The following TSPAN18 variants were observed in gnomAD, a reference collection of about 807,000 sequenced individuals.
TSPAN18 encodes the protein tetraspanin-18.
A neutral mutation model predicts 27.3 loss-of-function variants in TSPAN18; 14 were observed. The ratio of observed to expected loss-of-function variants is 0.51; its 90% CI spans 0.34 to 0.80. TSPAN18 has a LOEUF of 0.80. Among genes scored for constraint, TSPAN18 ranks in the 30% least tolerant of loss-of-function variants. TSPAN18 has a pLI of 0.01. For missense variants in TSPAN18, 268 were observed against 323.9 expected, an observed-to-expected ratio of 0.83 and a Z score of 1.32; for synonymous variants, 143 against 136.5, an observed-to-expected ratio of 1.05 and a Z score of -0.33.
chr11:44,844,431 G>A (rs549219158), intron 2 of TSPAN18, among the ~76,000 whole-genome samples: 1 of 152,236 alleles, frequency 6.6e-6, no homozygotes, highest in East Asian at 1.9e-4. Context: ...AAATAGAGTG[G>A]GCATGTCATA....
chr11:44,782,574 AACTGACTGCCAAGCTGTT>A (rs1223128199), intron 2 of TSPAN18, among the ~76,000 whole-genome samples: 5 of 151,882 alleles, frequency 3.3e-5, no homozygotes, highest in Non-Finnish European at 7.4e-5. Context: ...AAAGAAAAGA[AACTGACTGCCAAGCTGTT>A]TTCCAAAATG....
At chr11:44,919,146 G>A in intron 6 of TSPAN18, 68 bp from the exon 7 acceptor site, 1 of 1,267,186 alleles carries the variant, frequency 7.9e-7, no homozygotes, top group Non-Finnish European at 1.2e-6. Context: ...GGTGGATGGA[G>A]AGACGATGGA....
chr11:44,762,719 C>A (rs554853374), intron 1 of TSPAN18, among the ~76,000 whole-genome samples: 76 of 152,124 alleles, frequency 5.0e-4, no homozygotes, highest in African/African-American at 1.4e-3. Flanking sequence ...GCATGAGGTC[C>A]CCCTGCGCTG....
chr11:44,748,701 T>A (rs561458979), intron 1 of TSPAN18, among the ~76,000 whole-genome samples: 63 of 152,248 alleles, frequency 4.1e-4, no homozygotes, highest in African/African-American at 1.5e-3. Flanking sequence ...CTTTTATTCT[T>A]CTCATTTCCT....
chr11:44,742,471 G>A (rs1337779880), intron 1 of TSPAN18, among the ~76,000 whole-genome samples: 1 of 151,972 alleles, frequency 6.6e-6, no homozygotes, highest in East Asian at 1.9e-4. Flanking sequence ...TGAAGCTGAG[G>A]GTCATCCATC....
chr11:44,804,382 C>T (rs138176273), intron 2 of TSPAN18, among the ~76,000 whole-genome samples: 2 of 152,354 alleles, frequency 1.3e-5, no homozygotes, highest in Non-Finnish European at 2.9e-5. Flanking sequence ...TAAGCCACCG[C>T]GCCCAGCCAG....
intron 3 of TSPAN18, among the ~76,000 whole-genome samples, chr11:44,872,285 G>T (rs755890545): frequency 2.6e-5 from 4 of 152,126 alleles, no homozygotes; most frequent in Non-Finnish European, 4.4e-5. Flanking sequence ...CCATTCTTAT[G>T]ATCTGACTGA....
chr11:44,737,348 G>A (rs1014038435), intron 1 of TSPAN18, among the ~76,000 whole-genome samples: 7 of 152,194 alleles, frequency 4.6e-5, no homozygotes, highest in Admixed American at 3.3e-4. Context: ...GAAGCAGGTC[G>A]TGGTGGCTGA....
At chr11:44,776,103 G>A (rs778904972) in intron 2 of TSPAN18, among the ~76,000 whole-genome samples, 1 of 152,206 alleles carries the variant, frequency 6.6e-6, no homozygotes, top group South Asian at 2.1e-4. Flanking sequence ...AGTCTTCACC[G>A]AGTGGCCCAG....
At chr11:44,808,719 G>T (rs1271890383) in intron 2 of TSPAN18, among the ~76,000 whole-genome samples, 1 of 152,166 alleles carries the variant, frequency 6.6e-6, no homozygotes, top group East Asian at 1.9e-4. Flanking sequence ...ACGTTTCTTG[G>T]AAATTGATAT....
chr11:44,820,019 T>A (rs999227026), intron 2 of TSPAN18, among the ~76,000 whole-genome samples: 2 of 152,138 alleles, frequency 1.3e-5, no homozygotes, highest in African/African-American at 4.8e-5. Flanking sequence ...CAAGGAGGGT[T>A]GCTGTCAAGG....
chr11:44,876,411 C>T (rs559784216), intron 3 of TSPAN18, among the ~76,000 whole-genome samples: 2 of 152,320 alleles, frequency 1.3e-5, no homozygotes, highest in South Asian at 4.1e-4. Context: ...TGAGGAGATC[C>T]CTGTCCCTCT....
chr11:44,770,893 G>A (rs1855675212), intron 2 of TSPAN18, among the ~76,000 whole-genome samples: 1 of 152,140 alleles, frequency 6.6e-6, no homozygotes, highest in South Asian at 2.1e-4. Flanking sequence ...GGCCCAAGAT[G>A]GAAGAGCCTA....
At chr11:44,772,499 T>A (rs1409332706) in intron 2 of TSPAN18, among the ~76,000 whole-genome samples, 1 of 152,132 alleles carries the variant, frequency 6.6e-6, no homozygotes, top group African/African-American at 2.4e-5. Flanking sequence ...GAGAAAACAA[T>A]ACATGAAGAA....
At position 44,894,465 on chromosome 11, in the gene TSPAN18, T is replaced by G. The variant is rs111422250; in HGVS notation, c.-10-11942T>G. Among the ~76,000 whole-genome samples the G allele has an allele frequency of 3.3e-3, 501 of 152,180 alleles. 2 individuals carry two copies. Among genetic ancestry groups the G allele is most frequent in the African/African-American group, 0.011 (468 of 41,530 alleles). On this transcript the variant is annotated intron_variant, in intron 3 of 9. Coordinates refer to ENST00000520358, the MANE Select transcript of TSPAN18 (RefSeq NM_130783.5). ...TTTCCTTCTCTCTAGAAAGCATGCC[T>G]GGGGGCGGGGGGGAGTGAAAGTAAA...
chr11:44,903,781 A>G, intron 3 of TSPAN18: 1 of 449,564 alleles, frequency 2.2e-6, no homozygotes, highest in South Asian at 1.6e-5. Flanking sequence ...CACACACACC[A>G]TCCTTTGTCC....
chr11:44,814,165 C>T (rs1003287665), intron 2 of TSPAN18, among the ~76,000 whole-genome samples: 3 of 152,088 alleles, frequency 2.0e-5, no homozygotes, highest in African/African-American at 7.2e-5. Flanking sequence ...TTTCCTTTAC[C>T]AATAATTTTT....
At chr11:44,805,733 G>A (rs7121034) in intron 2 of TSPAN18, among the ~76,000 whole-genome samples, 72,244 of 151,954 alleles carry the variant, frequency 0.48, 17,813 homozygotes, top group Non-Finnish European at 0.53. Context: ...TGGCAGGGTC[G>A]TGCTCCCTCT....
intron 3 of TSPAN18, among the ~76,000 whole-genome samples, chr11:44,875,392 G>A (rs1335331022): frequency 2.6e-5 from 4 of 152,370 alleles, no homozygotes; most frequent in African/African-American, 9.6e-5. Flanking sequence ...CTCTGGCTGG[G>A]AGCAAGTCTG....
Sources: allele counts gnomAD v4.1 joint callset (sites outside exome capture counted in the v4.1 genomes callset), GRCh38; gene constraint gnomAD v4.1.1; transcripts MANE v1.5; gene names NCBI Gene and HGNC (gene_info 2026-07-23, HGNC 2026-07-21).